MEI4: variants seen among roughly 807,000 people sequenced by gnomAD.
The protein encoded by MEI4 is meiosis-specific protein MEI4.
In MEI4, 27 loss-of-function variants were observed where a neutral mutation model predicts 31.4. That is an observed-to-expected ratio of 0.86 (90% confidence interval 0.63 to 1.19). The LOEUF (loss-of-function observed/expected upper bound fraction) is 1.19, where lower values mean the gene tolerates loss of function less well. Among genes scored for constraint, MEI4 ranks in the 50% most tolerant of loss-of-function variants. The pLI is 0.00. For missense variants in MEI4, 329 were observed against 398.9 expected (o/e 0.82, Z 1.49); for synonymous variants, 122 against 145.4 (o/e 0.84, Z 1.16).
At position 77,755,189 on chromosome 6, in the gene MEI4, G is replaced by A. The variant is rs184461243; in HGVS notation, c.233-5941G>A. Among the ~76,000 whole-genome samples, 213 of 152,178 alleles carry A rather than the reference G, an allele frequency of 1.4e-3. 1 individual carries two copies. The highest frequency in any genetic ancestry group is 4.5e-3 in the African/African-American group (187 of 41,526). On this transcript the variant is annotated intron_variant, in intron 2 of 4. Transcript: ENST00000684080. ...AGTGTCCTGAAAAAAAAGAAAAAGA[G>A]ATGGTGTGATTGTGAATAAATAGAG...
Position 77,745,967 on chromosome 6 carries a change from A to T in MEI4, c.233-15163A>T, listed in dbSNP as rs1732370301. On this transcript the variant is annotated intron_variant, in intron 2 of 4. Transcript: ENST00000684080. ...ACCAGAATCTCTGGGACACATTCAA[A>T]GCAGTGTGTAGAGGGAAATTTATAA... 2.0e-5 allele frequency among the ~76,000 whole-genome samples: 3 copies of T among 152,208 alleles called. No homozygotes were observed. In the South Asian group the frequency reaches 6.2e-4, roughly 32 times the overall value.
chr6:77,733,486 T>C (rs4706655), intron 2 of MEI4, among the ~76,000 whole-genome samples: 30,092 of 151,892 alleles, frequency 0.2, 3,343 homozygotes, highest in African/African-American at 0.28. Flanking sequence ...CCGTTTATCA[T>C]TTTTTATTGT....
intron 1 of MEI4, among the ~76,000 whole-genome samples, chr6:77,681,179 C>T (rs1393230797): frequency 6.6e-6 from 1 of 152,092 alleles, no homozygotes; most frequent in Non-Finnish European, 1.5e-5. Flanking sequence ...TCAGTTGTCT[C>T]TTCTGGTTAC....
chr6:77,769,567 G>T (rs745976327), intron 3 of MEI4, among the ~76,000 whole-genome samples: 1 of 152,048 alleles, frequency 6.6e-6, no homozygotes, highest in Non-Finnish European at 1.5e-5. Flanking sequence ...CCAACCCCAG[G>T]CAGTACAGAT....
chr6:77,742,030 T>C (rs1767420473), intron 2 of MEI4, among the ~76,000 whole-genome samples: 1 of 152,050 alleles, frequency 6.6e-6, no homozygotes. Flanking sequence ...TGTTGGACAT[T>C]TGGCTTGGTT....
chr6:77,797,507 A>T (rs1769111579), intron 3 of MEI4, among the ~76,000 whole-genome samples: 1 of 152,146 alleles, frequency 6.6e-6, no homozygotes, highest in South Asian at 2.1e-4. Flanking sequence ...GAAAGAAGCC[A>T]GTAGTGACTC....
At position 77,754,863 on chromosome 6, in the gene MEI4, C is replaced by G. The variant is rs143150784; in HGVS notation, c.233-6267C>G. Among the ~76,000 whole-genome samples, 589 of 152,206 alleles carry G rather than the reference C, an allele frequency of 3.9e-3. 1 individual carries two copies. The highest frequency in any genetic ancestry group is 0.013 in the African/African-American group (524 of 41,528). Reference sequence around the variant, plus strand: ...GACAACTCACTCACTGTCATGAGAACGACACAGCAGTAACCACCCCCATGA... The same window carrying G: ...GACAACTCACTCACTGTCATGAGAAGGACACAGCAGTAACCACCCCCATGA... On this transcript the variant is annotated intron_variant, in intron 2 of 4. Transcript: ENST00000684080.
At chr6:77,897,556 G>A (rs944708824) in intron 4 of MEI4, among the ~76,000 whole-genome samples, 2 of 151,548 alleles carry the variant, frequency 1.3e-5, no homozygotes, top group Admixed American at 6.6e-5. Flanking sequence ...TGTACACAAC[G>A]TTCATACTTG....
At chr6:77,706,304 C>A (rs1354225071) in intron 2 of MEI4, among the ~76,000 whole-genome samples, 1 of 152,142 alleles carries the variant, frequency 6.6e-6, no homozygotes, top group Non-Finnish European at 1.5e-5. Context: ...TTCCCTGTGC[C>A]CACAAGGAAT....
chr6:77,828,245 T>A (rs2127711043), intron 3 of MEI4, among the ~76,000 whole-genome samples: 1 of 151,952 alleles, frequency 6.6e-6, no homozygotes, highest in South Asian at 2.1e-4. Context: ...CAGGGGTCCC[T>A]AGCCACCAGG....
chr6:77,701,638 T>C (rs1179877711), intron 2 of MEI4, among the ~76,000 whole-genome samples: 1 of 151,942 alleles, frequency 6.6e-6, no homozygotes, highest in African/African-American at 2.4e-5. Flanking sequence ...TATTTATGAA[T>C]ATATTATGAA....
chr6:77,731,783 A>T (rs1370142678), intron 2 of MEI4, among the ~76,000 whole-genome samples: 3 of 151,818 alleles, frequency 2.0e-5, no homozygotes, highest in Non-Finnish European at 4.4e-5. Flanking sequence ...AAGTCTTTAA[A>T]CCATCTTGAA....
At position 77,766,318 on chromosome 6, in the gene MEI4, AC is replaced by A. The variant is rs1768173305; in HGVS notation, c.768+4654del. On this transcript the variant is annotated intron_variant, in intron 3 of 4. Coordinates refer to ENST00000684080, the MANE Select transcript of MEI4 (RefSeq NM_001322247.2). ...TTTGAAGTTGGTGATTCCCTCTAGT[AC>A]TGTCGTTTTTGCTTCAATCACAGTG... 2.0e-5 allele frequency among the ~76,000 whole-genome samples: 3 copies of A among 152,142 alleles called. No individual in the cohort carries two copies. The South Asian group carries it at 6.2e-4, about 32-fold the overall frequency.
chr6:77,675,066 C>G (rs1419123237), intron 1 of MEI4, among the ~76,000 whole-genome samples: 1 of 143,820 alleles, frequency 7.0e-6, no homozygotes, highest in Non-Finnish European at 1.5e-5. Context: ...GTTGTTTTAT[C>G]AACAGTTACG....
chr6:77,724,792 G>T (rs1252841656), intron 2 of MEI4, among the ~76,000 whole-genome samples: 5 of 146,566 alleles, frequency 3.4e-5, no homozygotes, highest in South Asian at 2.1e-4. Flanking sequence ...AACGTTTCAG[G>T]ATATATCACC....
At position 77,925,812 on chromosome 6, in the gene MEI4, ATATACATT is replaced by A. The variant is rs1291208435; in HGVS notation, c.*2471_*2478del. ...AGAGTAAATATATATTAAATATTTT[ATATACATT>A]TATATAATAAAATATATGAATAAGT... On this transcript the variant is annotated 3_prime_UTR_variant, in exon 5 of 5. Transcript: ENST00000684080. The A allele has an allele frequency of 4.9e-4, 73 of 148,268 alleles. No individual in the cohort carries two copies. In the East Asian group the frequency reaches 0.012, roughly 25 times the overall value. The allele number at this position is 148,268 out of a possible 1,614,324, so 9.2% of individuals were successfully genotyped here.
chr6:77,792,716 T>A (rs1017083718), intron 3 of MEI4, among the ~76,000 whole-genome samples: 17 of 151,754 alleles, frequency 1.1e-4, no homozygotes, highest in Admixed American at 9.9e-4. Flanking sequence ...TTCCCAACAC[T>A]ATTTTTTTTT....
At chr6:77,812,355 T>C (rs1306149355) in intron 3 of MEI4, among the ~76,000 whole-genome samples, 1 of 151,978 alleles carries the variant, frequency 6.6e-6, no homozygotes, top group African/African-American at 2.4e-5. Context: ...ATATGCAAAA[T>C]TCTAAATATT....
intron 4 of MEI4, among the ~76,000 whole-genome samples, chr6:77,908,455 T>C (rs1185209590): frequency 6.6e-6 from 1 of 152,136 alleles, no homozygotes; most frequent in African/African-American, 2.4e-5. Context: ...ATCAGTTGGT[T>C]GTAGATATGC....
Sources: allele counts gnomAD v4.1 joint callset (sites outside exome capture counted in the v4.1 genomes callset), GRCh38; gene constraint gnomAD v4.1.1; transcripts MANE v1.5; gene names NCBI Gene and HGNC (gene_info 2026-07-23, HGNC 2026-07-21).